GRM5: variants seen among roughly 807,000 people sequenced by gnomAD.
GRM5 encodes the protein metabotropic glutamate receptor 5.
A neutral mutation model predicts 83.1 loss-of-function variants in GRM5; 19 were observed. The ratio of observed to expected loss-of-function variants is 0.23; its 90% CI spans 0.16 to 0.34. The LOEUF (loss-of-function observed/expected upper bound fraction) is 0.34. Among genes scored for constraint, GRM5 ranks in the 10% least tolerant of loss-of-function variants. The pLI is 1.00. For synonymous variants in GRM5, 675 were observed against 633.6 expected (o/e 1.07, Z -0.98); for missense variants, 1,160 against 1,588.3 (o/e 0.73, Z 4.58).
At chr11:88,582,241 C>T (rs1202792057) in intron 7 of GRM5, among the ~76,000 whole-genome samples, 1 of 152,178 alleles carries the variant, frequency 6.6e-6, no homozygotes. Context: ...GGATCTAGTG[C>T]TATGTTTGGC....
chr11:88,648,994 T>G (rs1463617735), intron 4 of GRM5, among the ~76,000 whole-genome samples: 1 of 146,068 alleles, frequency 6.8e-6, no homozygotes, highest in Admixed American at 6.9e-5. Context: ...AAGAAAGTAA[T>G]ATACAAAGGA....
chr11:88,751,287 C>G (rs1355292308), intron 3 of GRM5, among the ~76,000 whole-genome samples: 1 of 151,966 alleles, frequency 6.6e-6, no homozygotes, highest in Non-Finnish European at 1.5e-5. Context: ...CCACTTACCC[C>G]ATAGGAATTT....
chr11:88,724,334 C>G (rs1057271798), intron 3 of GRM5, among the ~76,000 whole-genome samples: 1 of 152,072 alleles, frequency 6.6e-6, no homozygotes, highest in African/African-American at 2.4e-5. Context: ...CTCAGGAGGC[C>G]GTCGGTCCCT....
chr11:88,881,700 G>T (rs1286987499), intron 2 of GRM5, among the ~76,000 whole-genome samples: 1 of 152,036 alleles, frequency 6.6e-6, no homozygotes, highest in East Asian at 1.9e-4. Context: ...GTGGCCATTT[G>T]TTTTGCTCTT....
chr11:88,548,762 A>G (rs996791847), intron 8 of GRM5, among the ~76,000 whole-genome samples: 1 of 152,202 alleles, frequency 6.6e-6, no homozygotes, highest in Non-Finnish European at 1.5e-5. Context: ...AGCACTTGGA[A>G]AGTTGACTTA....
At chr11:88,893,930 G>T (rs1236741204) in intron 2 of GRM5, among the ~76,000 whole-genome samples, 2 of 151,982 alleles carry the variant, frequency 1.3e-5, no homozygotes, top group African/African-American at 4.8e-5. Context: ...ACAGTCTTTG[G>T]TAATGCTTTT....
At chr11:89,065,039 G>A (rs568589072) in intron 1 of GRM5, among the ~76,000 whole-genome samples, 1 of 150,684 alleles carries the variant, frequency 6.6e-6, no homozygotes, top group East Asian at 2.0e-4. Context: ...GAGTTTATAG[G>A]TCCAGAGCTG....
intron 2 of GRM5, among the ~76,000 whole-genome samples, chr11:89,035,568 G>T (rs1410093426): frequency 6.6e-6 from 1 of 151,814 alleles, no homozygotes; most frequent in African/African-American, 2.4e-5. Context: ...GGAAAGGAAT[G>T]CAGAAATATC....
At chr11:88,885,959 G>A (rs1475255932) in intron 2 of GRM5, among the ~76,000 whole-genome samples, 1 of 152,104 alleles carries the variant, frequency 6.6e-6, no homozygotes, top group African/African-American at 2.4e-5. Context: ...CAGACGAGAT[G>A]GTGCCGATCA....
At position 88,751,571 on chromosome 11, in the gene GRM5, T is replaced by C. The variant is rs370635501; in HGVS notation, c.912-98168A>G. Among the ~76,000 whole-genome samples, 38 of 152,152 alleles carry C rather than the reference T, an allele frequency of 2.5e-4. 1 individual carries two copies. Among genetic ancestry groups the C allele is most frequent in the Admixed American group, 1.4e-3 (21 of 15,278 alleles). Reference sequence around the variant, plus strand: ...TTTCTACTGAAACTATTCCAAACAATTGAAAGGGAGTGACTCCCCGTTAAG... The same window carrying C: ...TTTCTACTGAAACTATTCCAAACAACTGAAAGGGAGTGACTCCCCGTTAAG... On this transcript the variant is annotated intron_variant, in intron 3 of 9. Coordinates refer to ENST00000305447, the MANE Select transcript of GRM5 (RefSeq NM_001143831.3).
Position 88,805,352 on chromosome 11 carries a change from C to T in GRM5, c.911+44554G>A, listed in dbSNP as rs572860680. Among the ~76,000 whole-genome samples, 86 of 152,092 alleles carry T rather than the reference C, an allele frequency of 5.7e-4. 1 individual carries two copies. Among genetic ancestry groups the T allele is most frequent in the African/African-American group, 1.9e-3 (79 of 41,460 alleles). ...GATTACAGGCATGCGCCACCACGCC[C>T]GGCTAATTTTTGTATTTTTAGTAGA... is the stretch of plus-strand genomic sequence containing the variant. On this transcript the variant is annotated intron_variant, in intron 3 of 9. Coordinates refer to ENST00000305447, the MANE Select transcript of GRM5 (RefSeq NM_001143831.3).
chr11:88,772,600 G>GC (rs796645113), intron 3 of GRM5, among the ~76,000 whole-genome samples: 6 of 151,640 alleles, frequency 4.0e-5, no homozygotes, highest in African/African-American at 1.5e-4. Context: ...TTCTCCCCCA[G>GC]CCCCCCATAC....
chr11:88,785,410 T>C (rs538813305), intron 3 of GRM5, among the ~76,000 whole-genome samples: 1 of 152,182 alleles, frequency 6.6e-6, no homozygotes, highest in South Asian at 2.1e-4. Context: ...GAAACTTGAT[T>C]TGGAGATGAA....
At chr11:88,574,005 G>C (rs1030574877) in intron 7 of GRM5, among the ~76,000 whole-genome samples, 1 of 152,120 alleles carries the variant, frequency 6.6e-6, no homozygotes, top group Non-Finnish European at 1.5e-5. Flanking sequence ...TGTGTGCTGT[G>C]AGACATTGAG....
intron 3 of GRM5, among the ~76,000 whole-genome samples, chr11:88,794,884 T>G (rs1345037452): frequency 6.6e-6 from 1 of 152,194 alleles, no homozygotes; most frequent in Non-Finnish European, 1.5e-5. Flanking sequence ...TGAGACCAGT[T>G]AGTGCAAAAA....
chr11:89,041,725 T>C (rs1591071344), intron 2 of GRM5, among the ~76,000 whole-genome samples: 1 of 152,224 alleles, frequency 6.6e-6, no homozygotes, highest in Admixed American at 6.5e-5. Flanking sequence ...TATATGAATA[T>C]GAAAAACTGT....
chr11:89,054,683 G>A (rs912197416), intron 1 of GRM5, among the ~76,000 whole-genome samples: 9 of 151,944 alleles, frequency 5.9e-5, no homozygotes, highest in African/African-American at 2.4e-5. Flanking sequence ...GAGACTGAAC[G>A]ATTTTTTGAA....
At chr11:88,650,216 T>C (rs1033869028) in intron 4 of GRM5, among the ~76,000 whole-genome samples, 2 of 151,658 alleles carry the variant, frequency 1.3e-5, no homozygotes, top group Non-Finnish European at 2.9e-5. Context: ...AAATAACAAA[T>C]TGGACAAAAA....
intron 3 of GRM5, among the ~76,000 whole-genome samples, chr11:88,727,004 G>A (rs7484173): frequency 0.64 from 97,622 of 152,052 alleles, 33,417 homozygotes; most frequent in South Asian, 0.84. Flanking sequence ...TAACCAGCTA[G>A]CATCATAATG....
Sources: allele counts gnomAD v4.1 joint callset (sites outside exome capture counted in the v4.1 genomes callset), GRCh38; gene constraint gnomAD v4.1.1; transcripts MANE v1.5; gene names NCBI Gene and HGNC (gene_info 2026-07-23, HGNC 2026-07-21).